The following ELP2 variants were observed in gnomAD, a reference collection of about 807,000 sequenced individuals.
The protein encoded by ELP2 is elongator complex protein 2.
A neutral mutation model predicts 119.2 loss-of-function variants in ELP2; 90 were observed. The ratio of observed to expected loss-of-function variants is 0.75; its 90% CI spans 0.64 to 0.90. ELP2 has a LOEUF of 0.90. ELP2 is among the 40% of genes least tolerant of loss of function. The pLI is 0.00. For missense variants in ELP2, 921 were observed against 967.8 expected (o/e 0.95, Z 0.64); for synonymous variants, 339 against 331.0 (o/e 1.02, Z -0.26).
At chr18:36,153,779 T>A (rs2090476252) in intron 11 of ELP2, among the ~76,000 whole-genome samples, 1 of 143,028 alleles carries the variant, frequency 7.0e-6, no homozygotes, top group Admixed American at 7.0e-5. Context: ...TTATATAGAC[T>A]TTTTTTTTTT....
chr18:36,178,007 T>C lies in ELP2; in HGVS notation c.*3366T>C, dbSNP rs1228287682. 3 of 152,190 alleles carry C rather than the reference T, an allele frequency of 2.0e-5. No homozygotes were observed. Among genetic ancestry groups the C allele is most frequent in the Non-Finnish European group, 4.4e-5 (3 of 68,046 alleles). The allele number at this position is 152,190 out of a possible 1,614,324, so 9.4% of individuals were successfully genotyped here. On this transcript the variant is annotated 3_prime_UTR_variant, in exon 22 of 22. Coordinates refer to ENST00000358232, the MANE Select transcript of ELP2 (RefSeq NM_018255.4). The stretch of plus-strand genomic sequence containing the variant: ...TTTGGTAACAACGTGTTGGGGAAAA[T>C]GGCCTTGGAATATTTCATTCAAATT...
chr18:36,159,010 TAAATCACAGTATA>T, intron 14 of ELP2, 106 bp downstream of exon 14: 1 of 775,638 alleles, frequency 1.3e-6, no homozygotes, highest in Non-Finnish European at 2.3e-6. Context: ...ATTTTTTTTT[TAAATCACAGTATA>T]TCTTTTCTAT....
chr18:36,172,208 A>G (rs1012763980), intron 21 of ELP2, among the ~76,000 whole-genome samples: 1 of 152,186 alleles, frequency 6.6e-6, no homozygotes, highest in Non-Finnish European at 1.5e-5. Context: ...TTGAGGCTGC[A>G]GCAAGCCATA....
chr18:36,133,112 C>G, intron 1 of ELP2, 126 bp from the exon 2 acceptor site: 1 of 711,808 alleles, frequency 1.4e-6, no homozygotes, highest in Non-Finnish European at 2.5e-6. Flanking sequence ...TTGAAGAAGG[C>G]AAATCTGTTT....
chr18:36,174,729 A>T lies in ELP2; in HGVS notation c.*88A>T. On this transcript the variant is annotated 3_prime_UTR_variant, in exon 22 of 22. Transcript: ENST00000358232. ...CATCTTTACCTTCATAACTGAATTG[A>T]GTTTCTGGGTTTTTTTTTTTTTTGA... 2.3e-6 allele frequency: 3 copies of T among 1,289,848 alleles called. No homozygotes were observed. Among genetic ancestry groups the T allele is most frequent in the Non-Finnish European group, 3.2e-6 (3 of 926,478 alleles). 79.9% of individuals were successfully genotyped at this position (1,289,848 alleles called of 1,614,324 possible).
At chr18:36,172,642 A>G (rs2091115031) in intron 21 of ELP2, among the ~76,000 whole-genome samples, 1 of 152,166 alleles carries the variant, frequency 6.6e-6, no homozygotes, top group Admixed American at 6.5e-5. Flanking sequence ...TGCTTCAGGC[A>G]TTTGAAATTT....
At chr18:36,151,457 G>T (rs2090397626) in intron 11 of ELP2, among the ~76,000 whole-genome samples, 1 of 152,126 alleles carries the variant, frequency 6.6e-6, no homozygotes, top group Non-Finnish European at 1.5e-5. Context: ...TTAATGTTGG[G>T]AGACCAGGCG....
chr18:36,141,254 C>A, intron 6 of ELP2, 53 bp downstream of exon 6: 1 of 1,335,360 alleles, frequency 7.5e-7, no homozygotes, highest in South Asian at 1.2e-5. Context: ...AGTTATATCT[C>A]AATACAGACT....
chr18:36,149,480 TTTG>T (rs1197188667), intron 11 of ELP2, among the ~76,000 whole-genome samples: 28 of 109,228 alleles, frequency 2.6e-4, no homozygotes, highest in Middle Eastern at 3.9e-3. Context: ...GGTTTTTTGT[TTTG>T]TTTTGTTTTT....
chr18:36,142,415 C>A, intron 7 of ELP2, 68 bp downstream of exon 7: 3 of 1,308,232 alleles, frequency 2.3e-6, no homozygotes, highest in East Asian at 2.3e-5. Flanking sequence ...AGAAAGCAGC[C>A]TTTTTTGTTT....
At chr18:36,156,366 G>C in intron 12 of ELP2, 100 bp from the exon 13 acceptor site, 1 of 1,165,784 alleles carries the variant, frequency 8.6e-7, no homozygotes, top group Non-Finnish European at 1.3e-6. Flanking sequence ...TTGCCCCATG[G>C]TTATATTTCC....
At chr18:36,133,717 C>T (rs1032520616) in intron 2 of ELP2, among the ~76,000 whole-genome samples, 1 of 119,600 alleles carries the variant, frequency 8.4e-6, no homozygotes, top group Non-Finnish European at 1.8e-5. Flanking sequence ...CTTTTATTTA[C>T]TTATTTATTT....
At chr18:36,140,152 G>A (rs1365496213) in intron 5 of ELP2, among the ~76,000 whole-genome samples, 3 of 151,416 alleles carry the variant, frequency 2.0e-5, no homozygotes, top group South Asian at 2.1e-4. Context: ...ATCCCCTTGC[G>A]TAGCTTTGTA....
At chr18:36,169,777 T>A (rs1441336949) in intron 19 of ELP2, among the ~76,000 whole-genome samples, 1 of 152,012 alleles carries the variant, frequency 6.6e-6, no homozygotes, top group Non-Finnish European at 1.5e-5. Context: ...TCAGAACCAA[T>A]TTGTGAGTAT....
intron 9 of ELP2, chr18:36,145,301 A>G (rs1206586096): frequency 9.6e-6 from 4 of 416,320 alleles, no homozygotes; most frequent in African/African-American, 4.1e-5. Context: ...AAAAGTTTCC[A>G]CTTGATTATT....
intron 18 of ELP2, chr18:36,164,975 A>G: frequency 2.8e-6 from 1 of 356,800 alleles, no homozygotes; most frequent in Non-Finnish European, 5.2e-6. Flanking sequence ...TGGTGATAGA[A>G]TGCTACCACA....
At chr18:36,168,796 ATTCG>A in intron 19 of ELP2, among the ~76,000 whole-genome samples, 1 of 152,236 alleles carries the variant, frequency 6.6e-6, no homozygotes, top group Non-Finnish European at 1.5e-5. Flanking sequence ...ACAAAGCAGC[ATTCG>A]CTGGACATTC....
chr18:36,136,447 ACT>A, intron 3 of ELP2, 70 bp downstream of exon 3: 3 of 1,265,874 alleles, frequency 2.4e-6, no homozygotes, highest in Non-Finnish European at 2.3e-6. Context: ...GTAGAGTTTC[ACT>A]CTGTCACCCA....
chr18:36,140,838 GCT>G (rs1291191228), intron 5 of ELP2, among the ~76,000 whole-genome samples: 3 of 152,304 alleles, frequency 2.0e-5, no homozygotes, highest in African/African-American at 7.2e-5. Context: ...TGGTGAAAAT[GCT>G]CTCTAGTTGC....
Sources: gnomAD v4.1 joint callset for allele counts (sites outside exome capture counted in the v4.1 genomes callset) on GRCh38, gnomAD v4.1.1 for gene constraint, MANE v1.5 for transcripts, NCBI Gene and HGNC (gene_info 2026-07-23, HGNC 2026-07-21) for gene names.